SPATS2: variants seen among roughly 807,000 people sequenced by gnomAD.
The protein encoded by SPATS2 is spermatogenesis-associated serine-rich protein 2.
A neutral mutation model predicts 63.7 loss-of-function variants in SPATS2; 38 were observed. That is an observed-to-expected ratio of 0.60 (90% CI 0.46 to 0.78). The LOEUF (loss-of-function observed/expected upper bound fraction) is 0.78, where lower values mean the gene tolerates loss of function less well. Among genes scored for constraint, SPATS2 ranks in the 30% least tolerant of loss-of-function variants. SPATS2 has a pLI of 0.00. For missense variants in SPATS2, 588 were observed against 666.2 expected (o/e 0.88, Z 1.29); for synonymous variants, 207 against 232.9 (o/e 0.89, Z 1.01).
intron 2 of SPATS2, among the ~76,000 whole-genome samples, chr12:49,430,533 A>G (rs1046088943): frequency 6.6e-6 from 1 of 151,710 alleles, no homozygotes; most frequent in Non-Finnish European, 1.5e-5. Flanking sequence ...TTTATTTGCA[A>G]CCTCTCATTT....
At chr12:49,478,953 C>T (rs774649288) in intron 3 of SPATS2, among the ~76,000 whole-genome samples, 15 of 152,032 alleles carry the variant, frequency 9.9e-5, no homozygotes, top group Non-Finnish European at 1.9e-4. Flanking sequence ...TACCTCCTCT[C>T]TGTAGGCAGG....
intron 3 of SPATS2, chr12:49,463,345 G>A (rs148930243): frequency 0.049 from 7,361 of 150,788 alleles, 358 homozygotes; most frequent in African/African-American, 0.12. Flanking sequence ...CCCAGGAGGC[G>A]GAGCTTGCAG....
chr12:49,496,004 T>C (rs1946457414), intron 7 of SPATS2, among the ~76,000 whole-genome samples: 1 of 152,216 alleles, frequency 6.6e-6, no homozygotes, highest in African/African-American at 2.4e-5. Context: ...AAATTTCTCT[T>C]TTAAAACATT....
chr12:49,501,312 A>G (rs1174278525), intron 9 of SPATS2, among the ~76,000 whole-genome samples: 1 of 152,192 alleles, frequency 6.6e-6, no homozygotes. Context: ...TTGCTGTGTC[A>G]TTCCATGGCA....
At chr12:49,402,828 C>T (rs572311786) in intron 2 of SPATS2, among the ~76,000 whole-genome samples, 1 of 152,258 alleles carries the variant, frequency 6.6e-6, no homozygotes, top group South Asian at 2.1e-4. Context: ...AACTTTACCT[C>T]TTCTAACCTC....
intron 2 of SPATS2, among the ~76,000 whole-genome samples, chr12:49,414,921 CT>C (rs143344581): frequency 0.086 from 12,007 of 140,302 alleles, 691 homozygotes; most frequent in African/African-American, 0.13. Flanking sequence ...CTTTCTTTTT[CT>C]TTTTTTCTTT....
Position 49,497,001 on chromosome 12 carries a change from A to G in SPATS2, c.695A>G (p.Lys232Arg). Residue 232 changes from lysine (K) to arginine (R), a missense_variant, in exon 8 of 14, where the codon AAA (lysine) becomes AGA (arginine). Coordinates refer to ENST00000552918, the MANE Select transcript of SPATS2 (RefSeq NM_023071.4). Reference sequence around the variant, plus strand: ...GAAGATGTTCCCCTCGCCACCAGTAAAAAGCTAAGTAAGTCAGAGGCCCAC... The same window carrying G: ...GAAGATGTTCCCCTCGCCACCAGTAGAAAGCTAAGTAAGTCAGAGGCCCAC... ...GMEDVPLATS[K>R]KLSSNIEKSV... The G allele has an allele frequency of 6.5e-7, 1 of 1,547,282 alleles. No homozygotes were observed. Among genetic ancestry groups the G allele is most frequent in the Non-Finnish European group, 8.7e-7 (1 of 1,149,904 alleles).
At chr12:49,467,215 AT>A (rs35462676) in intron 3 of SPATS2, among the ~76,000 whole-genome samples, 4,624 of 119,906 alleles carry the variant, frequency 0.039, 241 homozygotes, top group African/African-American at 0.14. Context: ...TGCCTGGCTA[AT>A]TTTTTTTTTT....
chr12:49,498,116 G>A (rs1592459212), intron 8 of SPATS2, among the ~76,000 whole-genome samples: 1 of 118,512 alleles, frequency 8.4e-6, no homozygotes, highest in South Asian at 2.5e-4. Context: ...GCAGGTTTGA[G>A]ACTATCCAAT....
At position 49,440,614 on chromosome 12, in the gene SPATS2, G is replaced by A. The variant is rs185409677; in HGVS notation, c.-243-20156G>A. Among the ~76,000 whole-genome samples the A allele has an allele frequency of 1.6e-4, 24 of 151,854 alleles. No homozygotes were observed. The East Asian group carries it at 3.7e-3, about 23-fold the overall frequency. Reference sequence around the variant, plus strand: ...CTCCCGAGTAGCTGGGACGACAGGCGCACACCACCACGGCCAGCTAATTTT... The same window carrying A: ...CTCCCGAGTAGCTGGGACGACAGGCACACACCACCACGGCCAGCTAATTTT... On this transcript the variant is annotated intron_variant, in intron 2 of 13. Coordinates refer to ENST00000552918, the MANE Select transcript of SPATS2 (RefSeq NM_023071.4).
intron 2 of SPATS2, among the ~76,000 whole-genome samples, chr12:49,429,046 G>A (rs899252084): frequency 2.0e-5 from 3 of 152,136 alleles, no homozygotes; most frequent in Non-Finnish European, 4.4e-5. Flanking sequence ...AATAGGAGGA[G>A]ACAAACATGT....
chr12:49,526,185 C>G lies in SPATS2; in HGVS notation c.1568C>G (p.Thr523Arg). 7 of 1,614,198 alleles carry G rather than the reference C, an allele frequency of 4.3e-6. No individual in the cohort carries two copies. The highest frequency in any genetic ancestry group is 5.9e-6 in the Non-Finnish European group (7 of 1,180,036). ...TGVSMEPSPP[T>R]PSFKKGLPQR... is the part of the protein sequence containing the mutation. ...GTCAGCATGGAGCCCAGCCCTCCCA[C>G]GCCTTCATTCAAAAAGGGGCTCCCC... The change falls in exon 14 of 14, where the codon ACG (threonine) becomes AGG (arginine). Residue 523 changes from threonine to arginine, a missense_variant. Coordinates refer to ENST00000552918, the MANE Select transcript of SPATS2 (RefSeq NM_023071.4).
intron 8 of SPATS2, 105 bp from the exon 9 acceptor site, chr12:49,499,965 T>G (rs1946535835): frequency 2.2e-6 from 2 of 905,442 alleles, no homozygotes; most frequent in Non-Finnish European, 3.0e-6. Flanking sequence ...TTAGGAAAGA[T>G]TCTTAGTCTA....
At chr12:49,433,547 G>A (rs1245085872) in intron 2 of SPATS2, among the ~76,000 whole-genome samples, 1 of 152,176 alleles carries the variant, frequency 6.6e-6, no homozygotes, top group East Asian at 1.9e-4. Context: ...ATGAGTGATT[G>A]AGCATCTTTT....
intron 2 of SPATS2, among the ~76,000 whole-genome samples, chr12:49,430,274 TA>T (rs1212323325): frequency 6.8e-6 from 1 of 148,008 alleles, no homozygotes; most frequent in Non-Finnish European, 1.5e-5. Flanking sequence ...ATTTTTGTAT[TA>T]TTTTTTAGTA....
At chr12:49,370,119 C>G (rs1389308356) in intron 1 of SPATS2, among the ~76,000 whole-genome samples, 3 of 152,190 alleles carry the variant, frequency 2.0e-5, no homozygotes, top group African/African-American at 7.2e-5. Flanking sequence ...AGGCGCTGAA[C>G]TCAGTGTACA....
chr12:49,375,522 T>C (rs766719920), intron 2 of SPATS2, among the ~76,000 whole-genome samples: 1 of 152,220 alleles, frequency 6.6e-6, no homozygotes, highest in Non-Finnish European at 1.5e-5. Context: ...TGGCTCTTCC[T>C]GGCCTACTGT....
chr12:49,373,089 CA>C (rs1386265146), intron 2 of SPATS2, among the ~76,000 whole-genome samples: 3 of 151,934 alleles, frequency 2.0e-5, no homozygotes, highest in Non-Finnish European at 4.4e-5. Flanking sequence ...TCTCCTTCGT[CA>C]GCCTCCTGAG....
chr12:49,474,058 T>G (rs1946081129), intron 3 of SPATS2, among the ~76,000 whole-genome samples: 1 of 152,214 alleles, frequency 6.6e-6, no homozygotes, highest in Non-Finnish European at 1.5e-5. Context: ...CTTGGGTATT[T>G]GCTTTGTGAT....
Sources: gnomAD v4.1 joint callset for allele counts (sites outside exome capture counted in the v4.1 genomes callset) on GRCh38, gnomAD v4.1.1 for gene constraint, MANE v1.5 for transcripts, NCBI Gene and HGNC (gene_info 2026-07-23, HGNC 2026-07-21) for gene names.